The following RBMS3 variants were observed in gnomAD, a reference collection of about 807,000 sequenced individuals.
RBMS3 encodes RNA-binding motif, single-stranded-interacting protein 3.
A neutral mutation model predicts 66.8 loss-of-function variants in RBMS3; 27 were observed. The ratio of observed to expected loss-of-function variants is 0.40; its 90% CI spans 0.30 to 0.56. RBMS3 has a LOEUF of 0.56. Among genes scored for constraint, RBMS3 ranks in the 20% least tolerant of loss-of-function variants. The pLI is 0.40. For missense variants in RBMS3, 513 were observed against 549.5 expected, an observed-to-expected ratio of 0.93 and a Z score of 0.66; for synonymous variants, 188 against 183.0, an observed-to-expected ratio of 1.03 and a Z score of -0.22.
intron 13 of RBMS3, among the ~76,000 whole-genome samples, chr3:29,990,472 A>C (rs947248402): frequency 6.7e-6 from 1 of 150,372 alleles, no homozygotes; most frequent in Non-Finnish European, 1.5e-5. Context: ...AAAAAAAAAA[A>C]AAAAAAAAAA....
chr3:29,314,835 G>A (rs2034580529), intron 1 of RBMS3, among the ~76,000 whole-genome samples: 1 of 151,722 alleles, frequency 6.6e-6, no homozygotes, highest in African/African-American at 2.4e-5. Flanking sequence ...CTGAATTAGA[G>A]TTGCTCTTTC....
intron 6 of RBMS3, among the ~76,000 whole-genome samples, chr3:29,811,197 G>A (rs1044071381): frequency 1.1e-4 from 16 of 152,032 alleles, no homozygotes; most frequent in African/African-American, 3.6e-4. Flanking sequence ...TCAGGTAATC[G>A]CTGAAGACTG....
At chr3:29,389,418 C>T (rs1437150976) in intron 1 of RBMS3, among the ~76,000 whole-genome samples, 2 of 152,130 alleles carry the variant, frequency 1.3e-5, no homozygotes, top group Non-Finnish European at 2.9e-5. Flanking sequence ...GCATTAAGTA[C>T]CTGAACAAAT....
chr3:29,907,727 G>A (rs986909600), intron 10 of RBMS3, among the ~76,000 whole-genome samples: 2 of 151,842 alleles, frequency 1.3e-5, no homozygotes, highest in Non-Finnish European at 2.9e-5. Context: ...ATTAACAAAG[G>A]CTTTATAAAG....
At chr3:29,398,090 C>A (rs1462694589) in intron 1 of RBMS3, among the ~76,000 whole-genome samples, 1 of 152,072 alleles carries the variant, frequency 6.6e-6, no homozygotes, top group African/African-American at 2.4e-5. Flanking sequence ...ACCCAGATTC[C>A]TTCTTTACAA....
chr3:29,638,964 A>G (rs1054833988), intron 4 of RBMS3, among the ~76,000 whole-genome samples: 5 of 151,874 alleles, frequency 3.3e-5, no homozygotes, highest in Admixed American at 6.6e-5. Flanking sequence ...TGTATCTGCT[A>G]TAAGTGTGAA....
intron 3 of RBMS3, among the ~76,000 whole-genome samples, chr3:29,500,596 T>A (rs1181913934): frequency 2.0e-5 from 3 of 152,062 alleles, no homozygotes; most frequent in Non-Finnish European, 4.4e-5. Context: ...CAAATACTTA[T>A]GATTGTGTTA....
At chr3:29,473,466 G>T (rs572762095) in intron 2 of RBMS3, among the ~76,000 whole-genome samples, 1 of 152,246 alleles carries the variant, frequency 6.6e-6, no homozygotes, top group African/African-American at 2.4e-5. Flanking sequence ...CACGGAGGCC[G>T]CAGGTGGAGC....
chr3:29,729,304 A>G (rs997113388), intron 4 of RBMS3, among the ~76,000 whole-genome samples: 1 of 152,048 alleles, frequency 6.6e-6, no homozygotes, highest in Non-Finnish European at 1.5e-5. Context: ...CATGTCCCTG[A>G]AAAGGACATG....
rs189417877 is a variant in RBMS3 at position 29,420,750 on chromosome 3, A to C, written c.76-13993A>C. On this transcript the variant is annotated intron_variant, in intron 1 of 14. Transcript: ENST00000383767. ...TAGAGCAAGCACTGAGGCTTCTTTAAGGGAAGCAAATAAATGATCACTCCT... is the reference window on the plus strand; with the variant it reads ...TAGAGCAAGCACTGAGGCTTCTTTACGGGAAGCAAATAAATGATCACTCCT... Among the ~76,000 whole-genome samples, 1,219 of 152,082 alleles carry C rather than the reference A, an allele frequency of 8.0e-3. 9 individuals carry two copies. Among genetic ancestry groups the C allele is most frequent in the Middle Eastern group, 0.02 (6 of 294 alleles).
intron 14 of RBMS3, among the ~76,000 whole-genome samples, chr3:30,001,027 T>TTAAAG (rs1457383842): frequency 2.1e-5 from 3 of 143,592 alleles, no homozygotes; most frequent in Non-Finnish European, 3.0e-5. Flanking sequence ...ATCCCAGAAC[T>TTAAAG]TAAAGTATAA....
intron 4 of RBMS3, among the ~76,000 whole-genome samples, chr3:29,615,700 G>A (rs940417183): frequency 6.6e-6 from 1 of 152,052 alleles, no homozygotes; most frequent in Non-Finnish European, 1.5e-5. Flanking sequence ...ACATAGCTGT[G>A]GTAAACTTTA....
Position 30,005,996 on chromosome 3 carries a change from G to C in RBMS3, c.*2134G>C, listed in dbSNP as rs1168694250. The C allele has an allele frequency of 6.6e-6, 1 of 151,808 alleles. No homozygotes were observed. Among genetic ancestry groups the C allele is most frequent in the Non-Finnish European group, 1.5e-5 (1 of 67,838 alleles). The allele number at this position is 151,808 out of a possible 1,614,324, so 9.4% of individuals were successfully genotyped here. A position where few individuals can be genotyped will look rare whatever the true frequency, so the allele number is the denominator to read the frequency against. ...ATATATCTACATTTTTAATTCATGA[G>C]ATGATATGTGTTCAACCTTTACAGT... On this transcript the variant is annotated 3_prime_UTR_variant, in exon 15 of 15. Coordinates refer to ENST00000383767, the MANE Select transcript of RBMS3 (RefSeq NM_001003793.3).
chr3:29,550,239 T>A (rs1167795551), intron 3 of RBMS3, among the ~76,000 whole-genome samples: 1 of 152,212 alleles, frequency 6.6e-6, no homozygotes, highest in Non-Finnish European at 1.5e-5. Flanking sequence ...CACAAAGTTG[T>A]ATCAGCAGAT....
At chr3:29,763,155 G>A (rs898408040) in intron 6 of RBMS3, among the ~76,000 whole-genome samples, 166 bp downstream of exon 6, 1 of 151,954 alleles carries the variant, frequency 6.6e-6, no homozygotes, top group Non-Finnish European at 1.5e-5. Context: ...TTTCTCAAAA[G>A]CTTTTTGGTA....
chr3:29,891,846 T>C (rs1170659155), intron 8 of RBMS3, among the ~76,000 whole-genome samples: 1 of 151,542 alleles, frequency 6.6e-6, no homozygotes, highest in East Asian at 1.9e-4. Context: ...AAATGACCAA[T>C]ACCTTATTAA....
chr3:29,641,871 C>T (rs1218404683), intron 4 of RBMS3, among the ~76,000 whole-genome samples: 2 of 151,918 alleles, frequency 1.3e-5, no homozygotes, highest in Admixed American at 6.6e-5. Flanking sequence ...TTTGCCTGGT[C>T]CTTCTAGGGG....
chr3:29,626,092 A>G (rs1301353498), intron 4 of RBMS3, among the ~76,000 whole-genome samples: 2 of 152,202 alleles, frequency 1.3e-5, no homozygotes, highest in East Asian at 3.8e-4. Flanking sequence ...TTTGATTATA[A>G]AGAAGGAAGA....
intron 4 of RBMS3, among the ~76,000 whole-genome samples, chr3:29,638,198 A>G (rs76931235): frequency 0.079 from 11,914 of 151,680 alleles, 825 homozygotes; most frequent in East Asian, 0.35. Flanking sequence ...TTAATATATC[A>G]GAGAAGGATA....
Sources: allele counts gnomAD v4.1 joint callset (sites outside exome capture counted in the v4.1 genomes callset), GRCh38; gene constraint gnomAD v4.1.1; transcripts MANE v1.5; gene names NCBI Gene and HGNC (gene_info 2026-07-23, HGNC 2026-07-21).